The following SLC44A5 variants were observed in gnomAD, a reference collection of about 807,000 sequenced individuals.
The protein encoded by SLC44A5 is solute carrier family 44 member 5.
SLC44A5 carries 57 observed loss-of-function variants against 101.8 expected under a neutral mutation model. The observed-to-expected ratio is 0.56, with a 90% CI of 0.45 to 0.70. The LOEUF is 0.70. Among genes scored for constraint, SLC44A5 ranks in the 30% least tolerant of loss-of-function variants. The pLI, the probability that SLC44A5 is intolerant of heterozygous loss-of-function variation, is 0.00. For missense variants in SLC44A5, 737 were observed against 853.1 expected (o/e 0.86, Z 1.70); for synonymous variants, 281 against 290.9 (o/e 0.97, Z 0.35).
chr1:75,525,997 A>T (rs1273082917), intron 2 of SLC44A5, among the ~76,000 whole-genome samples: 1 of 152,222 alleles, frequency 6.6e-6, no homozygotes, highest in East Asian at 1.9e-4. Flanking sequence ...GGTACGTTTA[A>T]TGTAATATAT....
intron 2 of SLC44A5, among the ~76,000 whole-genome samples, chr1:75,410,700 C>T (rs968901904): frequency 1.3e-5 from 2 of 152,092 alleles, no homozygotes; most frequent in South Asian, 2.1e-4. Flanking sequence ...AGCTTCAAAA[C>T]GGTTCTCAAC....
intron 1 of SLC44A5, among the ~76,000 whole-genome samples, chr1:75,577,092 T>A (rs528684780): frequency 6.6e-6 from 1 of 152,194 alleles, no homozygotes; most frequent in Non-Finnish European, 1.5e-5. Context: ...CACCATATCC[T>A]GTTGGCTCTA....
intron 3 of SLC44A5, among the ~76,000 whole-genome samples, chr1:75,386,765 C>T (rs1557729882): frequency 6.6e-6 from 1 of 151,406 alleles, no homozygotes; most frequent in Non-Finnish European, 1.5e-5. Flanking sequence ...AATCCTAAGC[C>T]AAAAGAACAA....
At chr1:75,422,279 T>C (rs1220137225) in intron 2 of SLC44A5, among the ~76,000 whole-genome samples, 2 of 152,210 alleles carry the variant, frequency 1.3e-5, no homozygotes, top group Admixed American at 6.5e-5. Context: ...TCAGGCTAGT[T>C]ATGGACACAT....
chr1:75,553,771 A>G (rs1414418151), intron 1 of SLC44A5, among the ~76,000 whole-genome samples: 1 of 152,176 alleles, frequency 6.6e-6, no homozygotes, highest in Admixed American at 6.6e-5. Flanking sequence ...GTGGTCCCCC[A>G]ATTATTCAAC....
chr1:75,653,805 G>T, the SLC44A5 span, among the ~76,000 whole-genome samples: 2 of 152,192 alleles, frequency 1.3e-5, no homozygotes, highest in Non-Finnish European at 2.9e-5. Context: ...AGGCAACTTG[G>T]TGGTGCCTAA....
intron 2 of SLC44A5, among the ~76,000 whole-genome samples, chr1:75,502,898 T>A (rs1464962725): frequency 6.6e-6 from 1 of 152,168 alleles, no homozygotes; most frequent in African/African-American, 2.4e-5. Flanking sequence ...TCCGCCTTGC[T>A]GAGCTAGCAA....
intron 1 of SLC44A5, among the ~76,000 whole-genome samples, chr1:75,557,258 G>A (rs1379633189): frequency 1.3e-5 from 2 of 152,006 alleles, no homozygotes; most frequent in Non-Finnish European, 2.9e-5. Context: ...AATATGCCAA[G>A]CAAAAAGAAA....
intron 6 of SLC44A5, among the ~76,000 whole-genome samples, chr1:75,263,595 A>G (rs561768678): frequency 6.6e-6 from 1 of 152,336 alleles, no homozygotes; most frequent in African/African-American, 2.4e-5. Flanking sequence ...ATCTAGAACT[A>G]GAAATACCAT....
intron 4 of SLC44A5, among the ~76,000 whole-genome samples, chr1:75,328,669 C>T (rs537324093): frequency 1.3e-5 from 2 of 152,278 alleles, no homozygotes; most frequent in African/African-American, 4.8e-5. Flanking sequence ...ATCATATGGC[C>T]CTCCTTAATT....
intron 3 of SLC44A5, among the ~76,000 whole-genome samples, chr1:75,372,499 C>A (rs997253419): frequency 6.6e-6 from 1 of 150,774 alleles, no homozygotes; most frequent in African/African-American, 2.4e-5. Flanking sequence ...ATCATCATGA[C>A]AAAATAAAAC....
intron 1 of SLC44A5, among the ~76,000 whole-genome samples, chr1:75,543,985 T>C (rs1453296379): frequency 6.6e-6 from 1 of 152,152 alleles, no homozygotes; most frequent in Non-Finnish European, 1.5e-5. Flanking sequence ...AGACTTTTTA[T>C]ATTGAAATAA....
At chr1:75,397,574 C>T (rs75352489) in intron 2 of SLC44A5, among the ~76,000 whole-genome samples, 3,931 of 152,170 alleles carry the variant, frequency 0.026, 145 homozygotes, top group African/African-American at 0.08. Context: ...AACTTTTGAA[C>T]ACTTACTATG....
At chr1:75,537,005 CAAAAAAAAAAAAA>C (rs1167125855) in intron 2 of SLC44A5, among the ~76,000 whole-genome samples, 1 of 8,284 alleles carries the variant, frequency 1.2e-4, no homozygotes, top group Admixed American at 3.3e-3. Flanking sequence ...GACTCCATCT[CAAAAAAAAAAAAA>C]AAAAAAAAAA....
At chr1:75,723,233 G>A in the SLC44A5 span, among the ~76,000 whole-genome samples, 4 of 152,158 alleles carry the variant, frequency 2.6e-5, no homozygotes, top group African/African-American at 7.2e-5. Context: ...GACTACTAGC[G>A]AGCGGCAACC....
At chr1:75,511,448 T>G (rs182210069) in intron 2 of SLC44A5, among the ~76,000 whole-genome samples, 1 of 151,546 alleles carries the variant, frequency 6.6e-6, no homozygotes, top group African/African-American at 2.4e-5. Flanking sequence ...TAAAAGCACA[T>G]GTGATTTTTA....
intron 3 of SLC44A5, among the ~76,000 whole-genome samples, chr1:75,349,583 G>T (rs1308619024): frequency 6.6e-6 from 1 of 152,096 alleles, no homozygotes; most frequent in African/African-American, 2.4e-5. Flanking sequence ...GCCCCAGCAG[G>T]CCCTCACTAA....
upstream of SLC44A5, among the ~76,000 whole-genome samples, chr1:75,615,150 T>TC (rs1675814721): frequency 6.6e-6 from 1 of 151,998 alleles, no homozygotes; most frequent in African/African-American, 2.4e-5. Flanking sequence ...AAGCCCGGGT[T>TC]CCAAAGGAGC....
intron 1 of SLC44A5, among the ~76,000 whole-genome samples, chr1:75,586,849 T>C (rs1470832806): frequency 6.6e-6 from 1 of 152,088 alleles, no homozygotes; most frequent in Non-Finnish European, 1.5e-5. Flanking sequence ...AAATGCTTAG[T>C]GAATGCATGA....
Sources: allele counts gnomAD v4.1 joint callset (sites outside exome capture counted in the v4.1 genomes callset), GRCh38; gene constraint gnomAD v4.1.1; transcripts MANE v1.5; gene names NCBI Gene and HGNC (gene_info 2026-07-23, HGNC 2026-07-21).